The following PDGFD variants were observed in gnomAD, a reference collection of about 807,000 sequenced individuals.
PDGFD encodes the protein platelet-derived growth factor D.
PDGFD carries 30 observed loss-of-function variants against 44.7 expected under a neutral mutation model. The ratio of observed to expected loss-of-function variants is 0.67; its 90% CI spans 0.50 to 0.91. PDGFD has a LOEUF of 0.91. PDGFD is among the 40% of genes least tolerant of loss of function. The pLI is 0.00. For missense variants in PDGFD, 445 were observed against 457.8 expected, an observed-to-expected ratio of 0.97 and a Z score of 0.25; for synonymous variants, 173 against 168.4, an observed-to-expected ratio of 1.03 and a Z score of -0.21.
At chr11:104,081,024 G>T (rs1861039113) in intron 1 of PDGFD, among the ~76,000 whole-genome samples, 1 of 152,166 alleles carries the variant, frequency 6.6e-6, no homozygotes, top group Non-Finnish European at 1.5e-5. Flanking sequence ...CATCTTAACT[G>T]CTATTTCATA....
At chr11:104,124,668 T>G (rs1336528371) in intron 1 of PDGFD, among the ~76,000 whole-genome samples, 1 of 152,112 alleles carries the variant, frequency 6.6e-6, no homozygotes, top group Admixed American at 6.6e-5. Flanking sequence ...ATGTGATTGT[T>G]TTAATAATTT....
rs140038905 is a variant in PDGFD at position 104,109,941 on chromosome 11, T to G, written c.124+53863A>C. On this transcript the variant is annotated intron_variant, in intron 1 of 6. Transcript: ENST00000393158. ...GTCATTTATTTTTCCTGGCCTTAACTTTCTCATTGGTAAGAGTGGCATAAT... is the reference window on the plus strand; with the variant it reads ...GTCATTTATTTTTCCTGGCCTTAACGTTCTCATTGGTAAGAGTGGCATAAT... Among the ~76,000 whole-genome samples, 515 of 152,212 alleles carry G rather than the reference T, an allele frequency of 3.4e-3. 4 individuals are homozygous for G. The highest frequency in any genetic ancestry group is 0.012 in the African/African-American group (496 of 41,526).
chr11:104,105,356 T>C (rs971186770), intron 1 of PDGFD, among the ~76,000 whole-genome samples: 1 of 152,126 alleles, frequency 6.6e-6, no homozygotes, highest in African/African-American at 2.4e-5. Flanking sequence ...TCAAATTACA[T>C]GAACTAACCA....
At chr11:103,920,539 G>A (rs1323111330) in intron 6 of PDGFD, among the ~76,000 whole-genome samples, 4 of 152,200 alleles carry the variant, frequency 2.6e-5, no homozygotes, top group Non-Finnish European at 4.4e-5. Context: ...TGGCAGGAAG[G>A]CCTGATGTGA....
At position 104,024,046 on chromosome 11, in the gene PDGFD, C is replaced by T. The variant is rs76667798; in HGVS notation, c.125-23791G>A. ...CTTATAAACTTAAACATATGCCATACATGTAACATTAACGAAAGCTCTCAG... is the reference window on the plus strand; with the variant it reads ...CTTATAAACTTAAACATATGCCATATATGTAACATTAACGAAAGCTCTCAG... On this transcript the variant is annotated intron_variant, in intron 1 of 6. Transcript: ENST00000393158. Among the ~76,000 whole-genome samples the T allele has an allele frequency of 9.8e-3, 1,491 of 152,254 alleles. 21 individuals are homozygous for T. The highest frequency in any genetic ancestry group is 0.034 in the African/African-American group (1,423 of 41,556).
intron 1 of PDGFD, among the ~76,000 whole-genome samples, chr11:104,104,987 C>G (rs960983144): frequency 6.6e-6 from 1 of 152,086 alleles, no homozygotes. Context: ...ACCATGTATA[C>G]CAGCATCATA....
chr11:103,939,223 T>C (rs1220607208), intron 5 of PDGFD, among the ~76,000 whole-genome samples: 1 of 152,204 alleles, frequency 6.6e-6, no homozygotes, highest in Non-Finnish European at 1.5e-5. Context: ...TATCCTCTTT[T>C]ATTTCATTGA....
intron 1 of PDGFD, among the ~76,000 whole-genome samples, chr11:104,115,297 C>T (rs1405769669): frequency 6.8e-6 from 1 of 147,884 alleles, no homozygotes; most frequent in Non-Finnish European, 1.5e-5. Flanking sequence ...ATATATATGA[C>T]TATATATGAT....
intron 1 of PDGFD, among the ~76,000 whole-genome samples, chr11:104,138,146 C>T (rs1332173381): frequency 2.0e-5 from 3 of 152,040 alleles, no homozygotes; most frequent in Non-Finnish European, 4.4e-5. Flanking sequence ...GTTGTGATAG[C>T]TAATGTGCTG....
chr11:104,118,771 A>G (rs1421487392), intron 1 of PDGFD, among the ~76,000 whole-genome samples: 5 of 113,938 alleles, frequency 4.4e-5, no homozygotes, highest in East Asian at 4.6e-4. Context: ...TATAAATATT[A>G]ATATATAATA....
chr11:103,988,575 C>T lies in PDGFD; in HGVS notation c.510+7490G>A, dbSNP rs530608825. ...GCAGCAAGTGTGGGGTACTTAACCG[C>T]GCCCGTGGATACAGAGGATGTTATG... On this transcript the variant is annotated intron_variant, in intron 3 of 6. Coordinates refer to ENST00000393158, the MANE Select transcript of PDGFD (RefSeq NM_025208.5). Among the ~76,000 whole-genome samples, 26 of 152,248 alleles carry T rather than the reference C, an allele frequency of 1.7e-4. 1 individual carries two copies. In the South Asian group the frequency reaches 4.4e-3, roughly 26 times the overall value.
intron 3 of PDGFD, among the ~76,000 whole-genome samples, chr11:103,984,618 C>A (rs1859324867): frequency 6.6e-6 from 1 of 150,666 alleles, no homozygotes; most frequent in South Asian, 2.1e-4. Flanking sequence ...AGTGATGGGA[C>A]CTATGGGTGT....
chr11:104,097,970 C>T (rs1272548449), intron 1 of PDGFD, among the ~76,000 whole-genome samples: 3 of 152,268 alleles, frequency 2.0e-5, no homozygotes, highest in African/African-American at 4.8e-5. Context: ...AAAACTGCAA[C>T]TGTCCTCTCC....
intron 1 of PDGFD, among the ~76,000 whole-genome samples, chr11:104,128,296 G>C (rs553040488): frequency 6.6e-6 from 1 of 152,132 alleles, no homozygotes; most frequent in Non-Finnish European, 1.5e-5. Context: ...TTAAAAGCTG[G>C]TGTGCATAAA....
intron 2 of PDGFD, among the ~76,000 whole-genome samples, chr11:103,996,831 T>C (rs1325641833): frequency 6.6e-6 from 1 of 152,224 alleles, no homozygotes; most frequent in African/African-American, 2.4e-5. Flanking sequence ...AAGGAAAGCA[T>C]GTAACTTTAA....
intron 1 of PDGFD, among the ~76,000 whole-genome samples, chr11:104,135,367 C>T (rs1303419844): frequency 1.3e-5 from 2 of 152,136 alleles, no homozygotes; most frequent in Non-Finnish European, 2.9e-5. Context: ...TGAGGAGGAA[C>T]TAACAGATAG....
intron 1 of PDGFD, among the ~76,000 whole-genome samples, chr11:104,091,917 G>A (rs1370310455): frequency 1.3e-5 from 2 of 152,100 alleles, no homozygotes; most frequent in East Asian, 1.9e-4. Flanking sequence ...GGCAATAAAG[G>A]AGAAGCTGAC....
At chr11:103,947,842 G>T in intron 3 of PDGFD, 118 bp from the exon 4 acceptor site, 1 of 756,924 alleles carries the variant, frequency 1.3e-6, no homozygotes, top group Non-Finnish European at 2.3e-6. Flanking sequence ...CAGACATAGG[G>T]CTATATTCCT....
chr11:103,979,591 A>G (rs1247335140), intron 3 of PDGFD, among the ~76,000 whole-genome samples: 1 of 152,134 alleles, frequency 6.6e-6, no homozygotes, highest in African/African-American at 2.4e-5. Flanking sequence ...TACATAATTC[A>G]TTAGAAAATT....
Sources: gnomAD v4.1 joint callset for allele counts (sites outside exome capture counted in the v4.1 genomes callset) on GRCh38, gnomAD v4.1.1 for gene constraint, MANE v1.5 for transcripts, NCBI Gene and HGNC (gene_info 2026-07-23, HGNC 2026-07-21) for gene names.